LOXL2: variants seen among roughly 807,000 people sequenced by gnomAD.
LOXL2 encodes the protein lysyl oxidase homolog 2.
In LOXL2, 70 loss-of-function variants were observed where a neutral mutation model predicts 93.0. The ratio of observed to expected loss-of-function variants is 0.75; its 90% confidence interval spans 0.62 to 0.92. LOXL2 has a LOEUF of 0.92. LOXL2 is among the 40% of genes least tolerant of loss of function. The pLI is 0.00. For missense variants in LOXL2, 973 were observed against 1,054.9 expected (o/e 0.92, Z 1.08); for synonymous variants, 438 against 413.2 (o/e 1.06, Z -0.73).
intron 1 of LOXL2, among the ~76,000 whole-genome samples, chr8:23,381,481 A>G (rs1804679664): frequency 6.6e-6 from 1 of 152,340 alleles, no homozygotes. Context: ...AACTCTGGCT[A>G]TGACCATGTT....
rs549135050 is a variant in LOXL2 at position 23,359,710 on chromosome 8, G to A, written c.531+380C>T. On this transcript the variant is annotated intron_variant, in intron 3 of 13. Transcript: ENST00000389131. Reference sequence around the variant, plus strand: ...GGGGGCAATTTGTTACGCAGCAATTGATAACTAATACATTTTCCCACCCAA... The same window carrying A: ...GGGGGCAATTTGTTACGCAGCAATTAATAACTAATACATTTTCCCACCCAA... Among the ~76,000 whole-genome samples, 4 of 152,316 alleles carry A rather than the reference G, an allele frequency of 2.6e-5. No individual in the cohort carries two copies. In the South Asian group the frequency reaches 8.3e-4, roughly 32 times the overall value.
intron 3 of LOXL2, among the ~76,000 whole-genome samples, chr8:23,347,338 C>T (rs778871983): frequency 6.6e-6 from 1 of 151,518 alleles, no homozygotes; most frequent in African/African-American, 2.4e-5. Context: ...GCTGAGGTGA[C>T]AGAGCAAGAC....
intron 4 of LOXL2, among the ~76,000 whole-genome samples, chr8:23,338,645 G>A (rs1168275960): frequency 2.6e-5 from 4 of 152,218 alleles, no homozygotes; most frequent in Non-Finnish European, 4.4e-5. Flanking sequence ...GCAGCCACAG[G>A]CTGTAGGAAG....
chr8:23,359,181 C>T (rs1804247775), intron 3 of LOXL2, among the ~76,000 whole-genome samples: 1 of 152,094 alleles, frequency 6.6e-6, no homozygotes, highest in Admixed American at 6.6e-5. Context: ...GTGATTCCAA[C>T]CCTCAGCTAC....
At position 23,307,842 on chromosome 8, in the gene LOXL2, T is replaced by C. The variant is rs137953837; in HGVS notation, c.1880+1826A>G. Reference sequence around the variant, plus strand: ...TAGGACGTTCAGAATATTCAATTGTTTGAATGGAAAATCAGCACCCCTGAA... The same window carrying C: ...TAGGACGTTCAGAATATTCAATTGTCTGAATGGAAAATCAGCACCCCTGAA... On this transcript the variant is annotated intron_variant, in intron 10 of 13. Transcript: ENST00000389131. 1.1e-3 allele frequency among the ~76,000 whole-genome samples: 163 copies of C among 147,058 alleles called. 2 individuals carry two copies. In the East Asian group the frequency reaches 0.032, roughly 29 times the overall value.
At chr8:23,374,043 G>A (rs2117219208) in intron 1 of LOXL2, among the ~76,000 whole-genome samples, 1 of 152,154 alleles carries the variant, frequency 6.6e-6, no homozygotes, top group East Asian at 1.9e-4. Context: ...TTGGTGTGCT[G>A]CACCCGTTTA....
At chr8:23,318,029 G>C (rs1218873545) in intron 8 of LOXL2, among the ~76,000 whole-genome samples, 1 of 151,924 alleles carries the variant, frequency 6.6e-6, no homozygotes, top group African/African-American at 2.4e-5. Flanking sequence ...ACAGTACCCA[G>C]ATATTTGGTC....
intron 1 of LOXL2, among the ~76,000 whole-genome samples, chr8:23,376,578 T>A (rs571669028): frequency 6.6e-6 from 1 of 152,342 alleles, no homozygotes; most frequent in East Asian, 1.9e-4. Flanking sequence ...CTGGCCTTTT[T>A]TTGGTTGGTA....
rs1804261551 is a variant in LOXL2 at position 23,359,991 on chromosome 8, C to T, written c.531+99G>A. 1.0e-4 allele frequency: 118 copies of T among 1,151,022 alleles called. 1 individual carries two copies. The South Asian group carries it at 1.6e-3, about 16-fold the overall frequency. The allele number at this position is 1,151,022 out of a possible 1,614,324, so 71.3% of individuals were successfully genotyped here. ...CCCATTGGGTGAGGTACCCTCCTTC[C>T]TGCTCACACACACTTCTTGAAATCA... On this transcript the variant is annotated intron_variant, in intron 3 of 13. Transcript: ENST00000389131.
At chr8:23,371,772 A>G (rs1170885760) in intron 1 of LOXL2, among the ~76,000 whole-genome samples, 1 of 144,712 alleles carries the variant, frequency 6.9e-6, no homozygotes. Context: ...AAAAAAAAAA[A>G]AAAAAAAAAA....
intron 4 of LOXL2, among the ~76,000 whole-genome samples, chr8:23,334,741 G>A (rs1803762231): frequency 1.4e-5 from 2 of 146,988 alleles, no homozygotes; most frequent in Non-Finnish European, 3.0e-5. Flanking sequence ...AAAGGATACT[G>A]TACCTCAGTT....
intron 1 of LOXL2, among the ~76,000 whole-genome samples, chr8:23,395,239 C>T (rs1203570761): frequency 2.9e-5 from 4 of 136,888 alleles, no homozygotes; most frequent in Non-Finnish European, 6.1e-5. Context: ...GGTGACAGAG[C>T]AAGATTCCGT....
intron 2 of LOXL2, among the ~76,000 whole-genome samples, chr8:23,361,304 C>A (rs1804286677): frequency 6.6e-6 from 1 of 152,164 alleles, no homozygotes; most frequent in African/African-American, 2.4e-5. Flanking sequence ...AACCCAGAAG[C>A]CTGGGCCTTG....
chr8:23,339,227 G>A (rs1434597874), intron 4 of LOXL2, among the ~76,000 whole-genome samples: 2 of 152,192 alleles, frequency 1.3e-5, no homozygotes, highest in Non-Finnish European at 2.9e-5. Context: ...CCACTCCTCT[G>A]CTAGGAAGGC....
At chr8:23,317,337 T>C (rs572475264) in intron 8 of LOXL2, among the ~76,000 whole-genome samples, 1 of 152,298 alleles carries the variant, frequency 6.6e-6, no homozygotes, top group South Asian at 2.1e-4. Flanking sequence ...TGTCACTCTC[T>C]CCCTCAGGGA....
In LOXL2 at chr8:23,368,346, C is replaced by T. The variant is rs267601857; in HGVS notation, c.6G>A (p.Glu2=). ...TGCAGAGGTGGGAGCACAGAGGCCT[C>T]TCCATCCCTGTCTTCGGGCTGATGA... M[E]RPLCSHLCSC... The change falls in exon 2 of 14, where the codon GAG becomes GAA. Residue 2 remains glutamate (E), a synonymous_variant. Coordinates refer to ENST00000389131, the MANE Select transcript of LOXL2 (RefSeq NM_002318.3). 6.2e-7 allele frequency: 1 copy of T among 1,611,158 alleles called. No individual in the cohort carries two copies. The highest frequency in any genetic ancestry group is 1.3e-5 in the African/African-American group (1 of 74,922).
At chr8:23,366,887 G>C (rs1804410136) in intron 2 of LOXL2, among the ~76,000 whole-genome samples, 1 of 152,148 alleles carries the variant, frequency 6.6e-6, no homozygotes, top group Non-Finnish European at 1.5e-5. Context: ...AGGGTTTCAG[G>C]GGTTCTTAGC....
intron 4 of LOXL2, among the ~76,000 whole-genome samples, chr8:23,335,665 C>G (rs915239939): frequency 6.6e-6 from 1 of 152,066 alleles, no homozygotes; most frequent in Non-Finnish European, 1.5e-5. Flanking sequence ...TGTCCCTGCA[C>G]GGCAGGACCC....
At chr8:23,359,957 G>T in intron 3 of LOXL2, 133 bp downstream of exon 3, 2 of 778,070 alleles carry the variant, frequency 2.6e-6, no homozygotes, top group Non-Finnish European at 2.1e-6. Flanking sequence ...AACTGCCCTT[G>T]TATCTAATCC....
Sources: allele counts gnomAD v4.1 joint callset (sites outside exome capture counted in the v4.1 genomes callset), GRCh38; gene constraint gnomAD v4.1.1; transcripts MANE v1.5; gene names NCBI Gene and HGNC (gene_info 2026-07-23, HGNC 2026-07-21).